The following HACD2 variants were observed in gnomAD, a reference collection of about 807,000 sequenced individuals.
The protein encoded by HACD2 is very-long-chain (3R)-3-hydroxyacyl-CoA dehydratase 2.
In HACD2, 15 loss-of-function variants were observed where a neutral mutation model predicts 31.0. That is an observed-to-expected ratio of 0.48 (90% confidence interval 0.32 to 0.75). The LOEUF (loss-of-function observed/expected upper bound fraction) is 0.75, where lower values mean the gene tolerates loss of function less well. HACD2 is among the 30% of genes least tolerant of loss of function. The pLI, the probability that HACD2 is intolerant of heterozygous loss-of-function variation, is 0.03. For missense variants in HACD2, 283 were observed against 313.0 expected (o/e 0.90, Z 0.72); for synonymous variants, 115 against 122.2 (o/e 0.94, Z 0.39).
intron 3 of HACD2, among the ~76,000 whole-genome samples, chr3:123,558,498 C>T (rs1283364867): frequency 2.6e-5 from 4 of 152,066 alleles, no homozygotes; most frequent in Admixed American, 6.6e-5. Flanking sequence ...ACTATGCATG[C>T]GTGGAGGAAG....
chr3:123,581,982 T>A (rs2056970727), intron 2 of HACD2, among the ~76,000 whole-genome samples: 1 of 152,182 alleles, frequency 6.6e-6, no homozygotes, highest in African/African-American at 2.4e-5. Context: ...TTCAGTTGAT[T>A]TCCCAAAAAA....
intron 6 of HACD2, among the ~76,000 whole-genome samples, chr3:123,495,315 TGAA>T (rs1184592701): frequency 1.3e-5 from 2 of 152,174 alleles, no homozygotes; most frequent in African/African-American, 4.8e-5. Flanking sequence ...AACAACCAGG[TGAA>T]GAATTCTAGT....
intron 5 of HACD2, among the ~76,000 whole-genome samples, chr3:123,502,153 A>C (rs1425472742): frequency 6.6e-6 from 1 of 152,266 alleles, no homozygotes; most frequent in African/African-American, 2.4e-5. Context: ...ACTTCTTGGC[A>C]AAATTGAGAC....
At chr3:123,503,125 T>A (rs2055925991) in intron 4 of HACD2, among the ~76,000 whole-genome samples, 1 of 151,726 alleles carries the variant, frequency 6.6e-6, no homozygotes, top group African/African-American at 2.4e-5. Flanking sequence ...ATTAGCCAAG[T>A]GTGGTGGCGT....
chr3:123,518,998 A>C (rs2056180455), intron 4 of HACD2, among the ~76,000 whole-genome samples: 1 of 144,790 alleles, frequency 6.9e-6, no homozygotes, highest in Admixed American at 6.8e-5. Context: ...CTCCAACTAA[A>C]AAAAAAAAAA....
intron 5 of HACD2, among the ~76,000 whole-genome samples, chr3:123,500,945 TAAAC>T (rs1187610733): frequency 1.3e-5 from 2 of 152,184 alleles, no homozygotes; most frequent in Admixed American, 1.3e-4. Flanking sequence ...TCTGACAAAA[TAAAC>T]AACTCTTCAA....
At chr3:123,555,750 G>T (rs1170941198) in intron 3 of HACD2, among the ~76,000 whole-genome samples, 1 of 152,090 alleles carries the variant, frequency 6.6e-6, no homozygotes, top group Non-Finnish European at 1.5e-5. Flanking sequence ...CATATGGAAA[G>T]GCAAAAGACC....
Position 123,545,713 on chromosome 3 carries a change from A to C in HACD2, c.293-17239T>G, listed in dbSNP as rs149034481. ...ACCAAAAATATATATAATAATAATA[A>C]GATTTTTTTTTTTTTTTGGAGACAG... On this transcript the variant is annotated intron_variant, in intron 3 of 6. Transcript: ENST00000383657. Among the ~76,000 whole-genome samples, 781 of 150,346 alleles carry C rather than the reference A, an allele frequency of 5.2e-3. 9 individuals carry two copies. The highest frequency in any genetic ancestry group is 0.018 in the African/African-American group (757 of 41,180).
At chr3:123,520,693 A>G (rs1360620495) in intron 4 of HACD2, among the ~76,000 whole-genome samples, 2 of 152,162 alleles carry the variant, frequency 1.3e-5, no homozygotes, top group Non-Finnish European at 2.9e-5. Flanking sequence ...CTAAATAAGC[A>G]CCTTAATTCA....
chr3:123,513,653 C>T (rs1450851002), intron 4 of HACD2, among the ~76,000 whole-genome samples: 1 of 152,186 alleles, frequency 6.6e-6, no homozygotes, highest in Non-Finnish European at 1.5e-5. Flanking sequence ...AAACATCACA[C>T]GGATGTGGCA....
At chr3:123,580,562 T>C (rs772629738) in intron 2 of HACD2, among the ~76,000 whole-genome samples, 6 of 151,650 alleles carry the variant, frequency 4.0e-5, no homozygotes, top group Non-Finnish European at 7.4e-5. Flanking sequence ...GATGGGAAGA[T>C]TGCTTGAGCC....
intron 5 of HACD2, among the ~76,000 whole-genome samples, chr3:123,502,059 A>C (rs973319665): frequency 2.0e-5 from 3 of 152,220 alleles, no homozygotes; most frequent in Non-Finnish European, 4.4e-5. Flanking sequence ...TTACTTGTAA[A>C]AACAATCAAA....
intron 3 of HACD2, among the ~76,000 whole-genome samples, chr3:123,542,867 G>A (rs1272963739): frequency 6.6e-6 from 1 of 152,258 alleles, no homozygotes; most frequent in Non-Finnish European, 1.5e-5. Context: ...AACTGGCCAA[G>A]AATGGGCTAA....
At chr3:123,535,808 A>C (rs1331518337) in intron 3 of HACD2, among the ~76,000 whole-genome samples, 1 of 152,226 alleles carries the variant, frequency 6.6e-6, no homozygotes, top group African/African-American at 2.4e-5. Context: ...ATCCTACAAC[A>C]GGGCAATTAA....
intron 3 of HACD2, among the ~76,000 whole-genome samples, chr3:123,547,231 ATTATT>A (rs1400787699): frequency 2.0e-5 from 3 of 152,168 alleles, no homozygotes; most frequent in African/African-American, 7.2e-5. Context: ...CTCCACACAG[ATTATT>A]TTAAGGAAAA....
At chr3:123,529,345 G>A (rs2056324045) in intron 3 of HACD2, among the ~76,000 whole-genome samples, 3 of 152,254 alleles carry the variant, frequency 2.0e-5, no homozygotes, top group East Asian at 1.9e-4. Context: ...CAGCTGATCC[G>A]CCTGCCTCGG....
intron 4 of HACD2, among the ~76,000 whole-genome samples, chr3:123,527,777 C>T (rs781716020): frequency 5.3e-5 from 8 of 152,204 alleles, no homozygotes; most frequent in African/African-American, 7.2e-5. Flanking sequence ...GCAAAAGTTG[C>T]GGCCACAGGG....
intron 1 of HACD2, among the ~76,000 whole-genome samples, chr3:123,583,866 A>C (rs1295024432): frequency 3.3e-5 from 5 of 152,174 alleles, no homozygotes; most frequent in Non-Finnish European, 7.4e-5. Flanking sequence ...CATGTTTTTC[A>C]TTTTTAACCC....
chr3:123,553,395 C>T (rs928522772), intron 3 of HACD2, among the ~76,000 whole-genome samples: 1 of 152,236 alleles, frequency 6.6e-6, no homozygotes, highest in African/African-American at 2.4e-5. Flanking sequence ...ATCAGTCCTT[C>T]AAATATCAAG....
Sources: allele counts gnomAD v4.1 joint callset (sites outside exome capture counted in the v4.1 genomes callset), GRCh38; gene constraint gnomAD v4.1.1; transcripts MANE v1.5; gene names NCBI Gene and HGNC (gene_info 2026-07-23, HGNC 2026-07-21).